Variants in C6orf141 observed in about 807,000 individuals in gnomAD.
C6orf141 encodes the protein uncharacterized protein C6orf141.
For synonymous variants in C6orf141, 164 were observed against 140.5 expected (o/e 1.17, Z -1.18); for missense variants, 361 against 335.8 (o/e 1.07, Z -0.59).
chr6:49,554,152 CT>C (rs1330547391), downstream of C6orf141, among the ~76,000 whole-genome samples: 1 of 152,144 alleles, frequency 6.6e-6, no homozygotes, highest in Non-Finnish European at 1.5e-5. Context: ...GTACACTATC[CT>C]TAACAGTCAC....
At chr6:49,557,162 G>T (rs1276142630) in intron 4 of C6orf141, among the ~76,000 whole-genome samples, 3 of 152,186 alleles carry the variant, frequency 2.0e-5, no homozygotes, top group African/African-American at 7.2e-5. Context: ...TGAGGCAGGA[G>T]AATCACTTGA....
rs1770300018 is a variant in C6orf141, at chr6:49,550,925, G to A, written c.133G>A (p.Gly45Ser). 1 of 1,543,184 alleles carries A rather than the reference G, an allele frequency of 6.5e-7. No homozygotes were observed. The highest frequency in any genetic ancestry group is 8.7e-7 in the Non-Finnish European group (1 of 1,144,478). Reference sequence around the variant, plus strand: ...AGGGCGCGGGGCTCCGCTAGCTCCGGGCGCCCGGAATCCCGCGACGGCAGG... The same window carrying A: ...AGGGCGCGGGGCTCCGCTAGCTCCGAGCGCCCGGAATCCCGCGACGGCAGG... The part of the protein sequence containing the change: ...EVGRGAPLAP[G>S]ARNPATAGAS... Residue 45 changes from glycine to serine, a missense_variant, in exon 1 of 1, where the codon GGC becomes AGC. Coordinates refer to ENST00000529246, the MANE Select transcript of C6orf141 (RefSeq NM_001145652.2).
At position 49,551,041 on chromosome 6, in the gene C6orf141, C is replaced by G. The variant is rs1187897846; in HGVS notation, c.249C>G (p.Ser83=). Residue 83 remains serine (S), a synonymous_variant, in exon 1 of 1, where the codon TCC becomes TCG. Transcript: ENST00000529246. ...CCGGGGAGGAATTGGACCGTGAGTC[C>G]TGGGTCAGAGAGAAAGTGCTCTTTC... ...PRAGEELDRE[S]WVREKVLFLL... 6.4e-6 allele frequency: 10 copies of G among 1,551,380 alleles called. No homozygotes were observed. The highest frequency in any genetic ancestry group is 8.7e-6 in the Non-Finnish European group (10 of 1,146,952).
chr6:49,555,472 G>A (rs1771679473), downstream of C6orf141, among the ~76,000 whole-genome samples: 1 of 147,892 alleles, frequency 6.8e-6, no homozygotes, highest in African/African-American at 2.5e-5. Flanking sequence ...TTTTGTTTTT[G>A]TTTTATAGAG....
At chr6:49,558,106 G>A (rs368133455) in intron 4 of C6orf141, among the ~76,000 whole-genome samples, 1 of 123,314 alleles carries the variant, frequency 8.1e-6, no homozygotes, top group Non-Finnish European at 1.6e-5. Context: ...TTTTGGGCAT[G>A]TTGGCCAGGC....
At chr6:49,560,308 C>T (rs747831064) in intron 4 of C6orf141, among the ~76,000 whole-genome samples, 2 of 151,796 alleles carry the variant, frequency 1.3e-5, no homozygotes, top group Non-Finnish European at 2.9e-5. Flanking sequence ...GAGTGAGACT[C>T]CATCTCAAAA....
intron 4 of C6orf141, among the ~76,000 whole-genome samples, chr6:49,561,101 A>ATTTTT (rs35286960): frequency 1.4e-5 from 2 of 140,770 alleles, no homozygotes; most frequent in Non-Finnish European, 3.0e-5. Flanking sequence ...TGTGAGAGTA[A>ATTTTT]TTTTTTTTTT....
downstream of C6orf141, among the ~76,000 whole-genome samples, chr6:49,556,459 C>T (rs920917022): frequency 1.3e-5 from 2 of 152,094 alleles, no homozygotes; most frequent in South Asian, 2.1e-4. Flanking sequence ...AAAGTTTGTC[C>T]TAATGAACCA....
At chr6:49,558,078 T>G (rs1363047469) in intron 4 of C6orf141, among the ~76,000 whole-genome samples, 1 of 144,228 alleles carries the variant, frequency 6.9e-6, no homozygotes, top group African/African-American at 2.6e-5. Context: ...TTTTTTTTTT[T>G]TTTTTAGTAG....
downstream of C6orf141, among the ~76,000 whole-genome samples, chr6:49,553,639 A>G (rs973053615): frequency 1.3e-5 from 2 of 152,136 alleles, no homozygotes. Flanking sequence ...TCTGGAGGCA[A>G]TTTCTGGCGT....
At chr6:49,555,806 G>A (rs1037240890), downstream of C6orf141, among the ~76,000 whole-genome samples, 2 of 151,480 alleles carry the variant, frequency 1.3e-5, no homozygotes, top group Non-Finnish European at 2.9e-5. Flanking sequence ...CCGCGCACCT[G>A]GCGTGCCCAG....
At chr6:49,553,426 C>T (rs1581898105), downstream of C6orf141, among the ~76,000 whole-genome samples, 1 of 152,172 alleles carries the variant, frequency 6.6e-6, no homozygotes, top group South Asian at 2.1e-4. Context: ...AGATTCATCC[C>T]TTAAAATGAA....
chr6:49,556,665 A>T (rs1772002267), downstream of C6orf141, among the ~76,000 whole-genome samples: 3 of 152,186 alleles, frequency 2.0e-5, no homozygotes, highest in South Asian at 6.2e-4. Flanking sequence ...GGTGGGGAAA[A>T]GGTGGAGCCA....
At chr6:49,559,209 TA>T (rs1772761184) in intron 4 of C6orf141, among the ~76,000 whole-genome samples, 1 of 84,622 alleles carries the variant, frequency 1.2e-5, no homozygotes, top group African/African-American at 4.6e-5. Flanking sequence ...TATATATATA[TA>T]TATATATATA....
intron 4 of C6orf141, chr6:49,560,632 G>A (rs1370126316): frequency 1.3e-5 from 2 of 152,258 alleles, no homozygotes; most frequent in African/African-American, 4.8e-5. Context: ...CTCCTGAGTA[G>A]CTGGGATTAC....
Position 49,550,736 on chromosome 6 carries a change from C to G in C6orf141, c.-57C>G. On this transcript the variant is annotated 5_prime_UTR_variant, in exon 1 of 1. Transcript: ENST00000529246. ...GGCCACACCCAGGGCTTGGTGGTCC[C>G]GCGCTTTCCGGAGCTCAGCAGGCGC... 1 of 1,398,342 alleles carries G rather than the reference C, an allele frequency of 7.2e-7. No homozygotes were observed. The highest frequency in any genetic ancestry group is 1.6e-5 in the South Asian group (1 of 61,590). 86.6% of individuals were successfully genotyped at this position (1,398,342 alleles called of 1,614,324 possible). A position where few individuals can be genotyped will look rare whatever the true frequency, so the allele number is the denominator to read the frequency against.
At chr6:49,558,326 G>T (rs1234787619) in intron 4 of C6orf141, among the ~76,000 whole-genome samples, 1 of 151,742 alleles carries the variant, frequency 6.6e-6, no homozygotes, top group Non-Finnish European at 1.5e-5. Context: ...TATTGGCATG[G>T]GGGGAGCTGG....
intron 4 of C6orf141, among the ~76,000 whole-genome samples, chr6:49,558,929 G>A (rs528519135): frequency 4.0e-5 from 6 of 151,300 alleles, no homozygotes; most frequent in Admixed American, 1.3e-4. Flanking sequence ...GGATGGTCTC[G>A]ATCTCCTGAA....
chr6:49,556,815 A>T (rs983894896), downstream of C6orf141, among the ~76,000 whole-genome samples: 3 of 152,252 alleles, frequency 2.0e-5, no homozygotes, highest in African/African-American at 7.2e-5. Flanking sequence ...AGATGAAGAT[A>T]AAGTCCAGAT....
Sources: gnomAD v4.1 joint callset for allele counts (sites outside exome capture counted in the v4.1 genomes callset) on GRCh38, gnomAD v4.1.1 for gene constraint, MANE v1.5 for transcripts, NCBI Gene and HGNC (gene_info 2026-07-23, HGNC 2026-07-21) for gene names.